The following DCC variants were observed in gnomAD, a reference collection of about 807,000 sequenced individuals.
DCC encodes netrin receptor DCC.
Under a neutral mutation model 172.5 loss-of-function variants are expected in DCC, and 58 were observed. The ratio of observed to expected loss-of-function variants is 0.34; its 90% CI spans 0.27 to 0.42. The LOEUF (loss-of-function observed/expected upper bound fraction) is 0.42. Among genes scored for constraint, DCC ranks in the 10% least tolerant of loss-of-function variants. The probability of loss-of-function intolerance (pLI) is 1.00; values close to 1 mark genes in which losing one functional copy is unlikely to be tolerated. For synonymous variants in DCC, 709 were observed against 644.5 expected (o/e 1.10, Z -1.52); for missense variants, 1,740 against 1,791.0 (o/e 0.97, Z 0.51).
intron 2 of DCC, among the ~76,000 whole-genome samples, chr18:52,783,767 G>A (rs1292791736): frequency 1.3e-5 from 2 of 151,834 alleles, no homozygotes; most frequent in African/African-American, 4.8e-5. Context: ...GTAGGTACAA[G>A]TTTATACTTC....
intron 2 of DCC, among the ~76,000 whole-genome samples, chr18:52,777,570 A>C (rs2037456905): frequency 6.6e-6 from 1 of 152,168 alleles, no homozygotes; most frequent in African/African-American, 2.4e-5. Context: ...ATAAGGTAAC[A>C]TTTACAGGTT....
intron 7 of DCC, among the ~76,000 whole-genome samples, chr18:53,117,551 T>C (rs1342165387): frequency 6.6e-6 from 1 of 151,782 alleles, no homozygotes; most frequent in East Asian, 1.9e-4. Flanking sequence ...TGGTTTTCCA[T>C]CTGCTGCTTA....
chr18:52,992,981 A>AT (rs1187550199), intron 5 of DCC, among the ~76,000 whole-genome samples: 1 of 139,554 alleles, frequency 7.2e-6, no homozygotes, highest in Non-Finnish European at 1.6e-5. Context: ...TCTGTCTCAA[A>AT]TTTAAAAAAA....
chr18:52,392,566 G>C (rs1986069845), intron 1 of DCC, among the ~76,000 whole-genome samples: 1 of 152,116 alleles, frequency 6.6e-6, no homozygotes, highest in African/African-American at 2.4e-5. Flanking sequence ...CTAATGGGCA[G>C]TGCATTTTAT....
intron 7 of DCC, among the ~76,000 whole-genome samples, chr18:53,090,735 G>C (rs112629201): frequency 1.2e-5 from 1 of 80,504 alleles, no homozygotes. Flanking sequence ...AAAAAAAAAA[G>C]AATGTATCGT....
At chr18:52,908,265 G>T (rs769291970) in intron 3 of DCC, among the ~76,000 whole-genome samples, 22 of 152,136 alleles carry the variant, frequency 1.4e-4, no homozygotes, top group Non-Finnish European at 3.1e-4. Context: ...CCTCTCTTTT[G>T]CAGATTCTCT....
intron 1 of DCC, among the ~76,000 whole-genome samples, chr18:52,653,800 C>T (rs1435344946): frequency 2.0e-5 from 3 of 152,298 alleles, no homozygotes; most frequent in Admixed American, 2.0e-4. Context: ...TTATGCCTCT[C>T]AGCCTAACAC....
intron 1 of DCC, among the ~76,000 whole-genome samples, chr18:52,592,489 G>A (rs531633630): frequency 6.6e-6 from 1 of 152,256 alleles, no homozygotes; most frequent in Non-Finnish European, 1.5e-5. Context: ...ACTTTACAAA[G>A]GCTCACTCTA....
At chr18:52,781,224 C>T (rs1167182553) in intron 2 of DCC, among the ~76,000 whole-genome samples, 4 of 152,048 alleles carry the variant, frequency 2.6e-5, no homozygotes, top group Admixed American at 1.3e-4. Flanking sequence ...ATTCCTTCCC[C>T]GCAACCCCTG....
intron 12 of DCC, among the ~76,000 whole-genome samples, chr18:53,228,795 T>G (rs956675780): frequency 2.0e-5 from 3 of 152,140 alleles, no homozygotes; most frequent in African/African-American, 7.2e-5. Context: ...TAACAATACC[T>G]TAAACCAGTT....
intron 7 of DCC, among the ~76,000 whole-genome samples, chr18:53,100,940 T>G (rs1001584456): frequency 1.4e-5 from 2 of 147,704 alleles, no homozygotes; most frequent in Non-Finnish European, 3.0e-5. Flanking sequence ...TCAATTTTTA[T>G]GTAATGGGTG....
At chr18:52,464,890 G>A (rs905817109) in intron 1 of DCC, among the ~76,000 whole-genome samples, 1 of 152,084 alleles carries the variant, frequency 6.6e-6, no homozygotes, top group Non-Finnish European at 1.5e-5. Context: ...GATAGAAGGA[G>A]ACTAATATCT....
At chr18:52,412,650 T>C (rs1355485885) in intron 1 of DCC, among the ~76,000 whole-genome samples, 1 of 152,156 alleles carries the variant, frequency 6.6e-6, no homozygotes, top group Non-Finnish European at 1.5e-5. Context: ...GAACCAAGGC[T>C]TGTGCCCCAA....
intron 12 of DCC, among the ~76,000 whole-genome samples, chr18:53,232,171 T>C (rs1460280148): frequency 6.6e-6 from 1 of 152,150 alleles, no homozygotes; most frequent in East Asian, 1.9e-4. Flanking sequence ...TTTGGGGATG[T>C]CTGTCAAGGG....
At chr18:52,567,278 A>G (rs1393674313) in intron 1 of DCC, among the ~76,000 whole-genome samples, 2 of 152,168 alleles carry the variant, frequency 1.3e-5, no homozygotes, top group African/African-American at 2.4e-5. Context: ...AATTTATTAA[A>G]TTAATAAATA....
intron 5 of DCC, among the ~76,000 whole-genome samples, chr18:53,032,945 C>T (rs1230666922): frequency 6.6e-6 from 1 of 152,098 alleles, no homozygotes; most frequent in Non-Finnish European, 1.5e-5. Flanking sequence ...TCTTTAAAAG[C>T]GTAATGGCAT....
At chr18:52,843,344 A>T (rs1476788308) in intron 2 of DCC, among the ~76,000 whole-genome samples, 2 of 152,150 alleles carry the variant, frequency 1.3e-5, no homozygotes, top group Non-Finnish European at 2.9e-5. Flanking sequence ...CTTCCAGAAG[A>T]TGACATCTAT....
chr18:52,830,471 C>A (rs1442469477), intron 2 of DCC, among the ~76,000 whole-genome samples: 2 of 152,184 alleles, frequency 1.3e-5, no homozygotes, highest in East Asian at 1.9e-4. Context: ...TAATAGGATC[C>A]CTCTGGCTGC....
intron 5 of DCC, among the ~76,000 whole-genome samples, chr18:52,939,995 A>T (rs11874287): frequency 6.6e-6 from 1 of 152,136 alleles, no homozygotes; most frequent in East Asian, 1.9e-4. Context: ...GACATCATCC[A>T]TGAGCCTCTT....
Sources: allele counts gnomAD v4.1 joint callset (sites outside exome capture counted in the v4.1 genomes callset), GRCh38; gene constraint gnomAD v4.1.1; transcripts MANE v1.5; gene names NCBI Gene and HGNC (gene_info 2026-07-23, HGNC 2026-07-21).